MYO3A: variants seen among roughly 807,000 people sequenced by gnomAD.
The protein encoded by MYO3A is myosin-IIIa.
In MYO3A, 180 loss-of-function variants were observed where a neutral mutation model predicts 192.7. The observed-to-expected ratio is 0.93, with a 90% CI of 0.83 to 1.06. MYO3A has a LOEUF of 1.06. MYO3A is among the 50% of genes least tolerant of loss of function. The pLI is 0.00. For missense variants in MYO3A, 1,896 were observed against 1,905.0 expected, an observed-to-expected ratio of 1.00 and a Z score of 0.09; for synonymous variants, 628 against 645.3, an observed-to-expected ratio of 0.97 and a Z score of 0.41.
At position 25,997,150 on chromosome 10, in the gene MYO3A, A is replaced by T. The variant is rs764445343; in HGVS notation, c.409-9A>T. ...TGTTAAGAGTCATTATATATTTCTT[A>T]TCTTCTAGGGACTTCAACATTTGCA... On this transcript the variant is annotated splice_polypyrimidine_tract_variant and intron_variant, in intron 5 of 34. Coordinates refer to ENST00000642920, the MANE Select transcript of MYO3A (RefSeq NM_017433.5). 12 of 1,604,760 alleles carry T rather than the reference A, an allele frequency of 7.5e-6. No individual in the cohort carries two copies. The highest frequency in any genetic ancestry group is 8.5e-6 in the Non-Finnish European group (10 of 1,171,862).
intron 20 of MYO3A, among the ~76,000 whole-genome samples, chr10:26,134,160 G>A (rs1204233777): frequency 1.3e-5 from 2 of 152,186 alleles, no homozygotes; most frequent in African/African-American, 2.4e-5. Flanking sequence ...GGAAGCTGCT[G>A]TAGGGAGAAA....
intron 4 of MYO3A, among the ~76,000 whole-genome samples, chr10:25,963,291 G>A (rs1007987788): frequency 2.6e-5 from 4 of 151,946 alleles, no homozygotes; most frequent in Non-Finnish European, 5.9e-5. Flanking sequence ...TCATCAAAGT[G>A]GTTTTTATAG....
intron 4 of MYO3A, among the ~76,000 whole-genome samples, chr10:25,966,017 A>C (rs536492031): frequency 6.6e-6 from 1 of 151,530 alleles, no homozygotes; most frequent in South Asian, 2.1e-4. Flanking sequence ...TTAAAACCAG[A>C]TACTATGGGT....
intron 17 of MYO3A, among the ~76,000 whole-genome samples, chr10:26,113,481 A>AAC (rs1345544794): frequency 1.3e-5 from 2 of 150,916 alleles, no homozygotes; most frequent in Non-Finnish European, 2.9e-5. Context: ...AAAAACAAAA[A>AAC]AAAAAACAAA....
At chr10:26,182,725 A>C (rs534858935) in intron 31 of MYO3A, among the ~76,000 whole-genome samples, 22 of 152,306 alleles carry the variant, frequency 1.4e-4, no homozygotes, top group African/African-American at 5.3e-4. Context: ...GCCACCTCTG[A>C]GTTTTCCTTA....
At chr10:26,067,155 G>A in intron 11 of MYO3A, 81 bp downstream of exon 11, 1 of 901,842 alleles carries the variant, frequency 1.1e-6, no homozygotes, top group Non-Finnish European at 1.8e-6. Context: ...GGTAGAAGGG[G>A]AAGGAATATA....
At chr10:25,945,238 G>C (rs1836761583) in intron 2 of MYO3A, among the ~76,000 whole-genome samples, 1 of 149,426 alleles carries the variant, frequency 6.7e-6, no homozygotes, top group African/African-American at 2.5e-5. Flanking sequence ...ATTTAGCATA[G>C]CATGTTTTCA....
chr10:26,081,512 G>C (rs1368944841), intron 14 of MYO3A, among the ~76,000 whole-genome samples: 1 of 152,144 alleles, frequency 6.6e-6, no homozygotes, highest in African/African-American at 2.4e-5. Flanking sequence ...AAAGAAAAGT[G>C]CTTGGCTCTT....
chr10:26,030,808 AC>A (rs1842769827), intron 10 of MYO3A, among the ~76,000 whole-genome samples: 1 of 152,220 alleles, frequency 6.6e-6, no homozygotes, highest in Admixed American at 6.5e-5. Flanking sequence ...CTGAATATAA[AC>A]TTCCTTGTTG....
At chr10:26,117,688 C>A (rs180888417) in intron 17 of MYO3A, among the ~76,000 whole-genome samples, 11 of 152,314 alleles carry the variant, frequency 7.2e-5, no homozygotes, top group African/African-American at 2.6e-4. Context: ...TTTTCTGTGG[C>A]TACATAGTAT....
At chr10:26,037,210 A>G (rs1413746013) in intron 10 of MYO3A, among the ~76,000 whole-genome samples, 5 of 152,232 alleles carry the variant, frequency 3.3e-5, no homozygotes, top group Admixed American at 6.5e-5. Flanking sequence ...GTGGATAGTT[A>G]CATGCATCTG....
chr10:26,209,425 G>A (rs532311607), intron 34 of MYO3A, among the ~76,000 whole-genome samples: 53 of 152,210 alleles, frequency 3.5e-4, no homozygotes, highest in African/African-American at 1.3e-3. Context: ...CTGCTCTTCA[G>A]TATAGTAAAT....
At chr10:26,205,867 C>T (rs1843908824) in intron 34 of MYO3A, among the ~76,000 whole-genome samples, 1 of 151,994 alleles carries the variant, frequency 6.6e-6, no homozygotes, top group African/African-American at 2.4e-5. Flanking sequence ...GATTTGCCCT[C>T]CTCGGCCTCC....
intron 34 of MYO3A, among the ~76,000 whole-genome samples, chr10:26,206,580 C>T (rs1461097414): frequency 1.3e-5 from 2 of 152,038 alleles, no homozygotes; most frequent in Non-Finnish European, 2.9e-5. Context: ...TCCCAAATAC[C>T]TGGGATTACA....
At chr10:26,061,598 G>A (rs1834483456) in intron 10 of MYO3A, among the ~76,000 whole-genome samples, 1 of 152,080 alleles carries the variant, frequency 6.6e-6, no homozygotes, top group East Asian at 1.9e-4. Context: ...GATTGTGAAG[G>A]CCCATGAAAT....
At chr10:26,104,649 G>T (rs1031208854) in intron 17 of MYO3A, among the ~76,000 whole-genome samples, 1 of 151,432 alleles carries the variant, frequency 6.6e-6, no homozygotes, top group African/African-American at 2.4e-5. Context: ...ATTTTTTTTG[G>T]CTTTTCAGGG....
chr10:26,174,677 A>G lies in MYO3A; in HGVS notation c.4293+120A>G, dbSNP rs1432708630. ...TATCTGCGTTGATGGGCCCGCAAAC[A>G]TTTTTAATAAAATGTCTCAGGGATT... On this transcript the variant is annotated intron_variant, in intron 30 of 34. Transcript: ENST00000642920. 6.0e-6 allele frequency: 5 copies of G among 830,808 alleles called. No individual in the cohort carries two copies. In the East Asian group the frequency reaches 1.3e-4, roughly 22 times the overall value. 51.5% of individuals were successfully genotyped at this position (830,808 alleles called of 1,614,324 possible).
At chr10:26,152,501 A>G (rs7476324) in intron 23 of MYO3A, among the ~76,000 whole-genome samples, 49,065 of 152,076 alleles carry the variant, frequency 0.32, 8,149 homozygotes, top group South Asian at 0.44. Flanking sequence ...GACTTCACAT[A>G]TGACATACAG....
chr10:26,033,736 C>G (rs1195884311), intron 10 of MYO3A, among the ~76,000 whole-genome samples: 9 of 152,148 alleles, frequency 5.9e-5, no homozygotes, highest in Admixed American at 5.2e-4. Context: ...AAGTTTCAAT[C>G]CCATTTCCAC....
Sources: allele counts gnomAD v4.1 joint callset (sites outside exome capture counted in the v4.1 genomes callset), GRCh38; gene constraint gnomAD v4.1.1; transcripts MANE v1.5; gene names NCBI Gene and HGNC (gene_info 2026-07-23, HGNC 2026-07-21).